Variants in ADARB2 observed in about 807,000 individuals in gnomAD.
The protein encoded by ADARB2 is adenosine deaminase RNA specific B2 (inactive).
ADARB2 carries 25 observed loss-of-function variants against 62.2 expected under a neutral mutation model. That is an observed-to-expected ratio of 0.40 (90% CI 0.29 to 0.56). ADARB2 has a LOEUF of 0.56. ADARB2 is among the 20% of genes least tolerant of loss of function. The probability of loss-of-function intolerance (pLI) is 0.43; values close to 1 mark genes in which losing one functional copy is unlikely to be tolerated. For synonymous variants in ADARB2, 572 were observed against 500.8 expected, an observed-to-expected ratio of 1.14 and a Z score of -1.90; for missense variants, 1,071 against 1,077.4, an observed-to-expected ratio of 0.99 and a Z score of 0.08.
At chr10:1,524,285 G>A (rs1314244701) in intron 1 of ADARB2, among the ~76,000 whole-genome samples, 1 of 152,172 alleles carries the variant, frequency 6.6e-6, no homozygotes, top group African/African-American at 2.4e-5. Context: ...GTGTTTTGAT[G>A]CCTATGGAAT....
intron 1 of ADARB2, chr10:1,556,849 C>T (rs771492715): frequency 5.6e-6 from 3 of 533,636 alleles, no homozygotes; most frequent in Admixed American, 3.9e-5. Context: ...ATTTTCTGCA[C>T]AACCCCTCCT....
At chr10:1,225,343 G>C (rs1277387523) in intron 6 of ADARB2, among the ~76,000 whole-genome samples, 5 of 152,130 alleles carry the variant, frequency 3.3e-5, no homozygotes, top group African/African-American at 1.2e-4. Context: ...ACAGCACACT[G>C]ATGGGTCTTG....
chr10:1,527,960 A>G (rs1588288673), intron 1 of ADARB2, among the ~76,000 whole-genome samples: 1 of 152,252 alleles, frequency 6.6e-6, no homozygotes, highest in Non-Finnish European at 1.5e-5. Flanking sequence ...ACTGAACGTT[A>G]TAAAAATCCT....
intron 3 of ADARB2, among the ~76,000 whole-genome samples, chr10:1,302,415 T>G (rs1174301280): frequency 6.6e-6 from 1 of 152,142 alleles, no homozygotes; most frequent in Non-Finnish European, 1.5e-5. Context: ...CACAGCAGTC[T>G]GAGATCAAAC....
chr10:1,266,208 G>C (rs1564240758), intron 4 of ADARB2, among the ~76,000 whole-genome samples: 1 of 152,228 alleles, frequency 6.6e-6, no homozygotes, highest in Non-Finnish European at 1.5e-5. Context: ...GTGAGAATGA[G>C]AACAAAGCTT....
rs528953453 is a variant in ADARB2 at position 1,344,076 on chromosome 10, G to A, written c.1077+18952C>T. Among the ~76,000 whole-genome samples, 213 of 152,272 alleles carry A rather than the reference G, an allele frequency of 1.4e-3. 2 individuals are homozygous for A. The highest frequency in any genetic ancestry group is 6.8e-3 in the Middle Eastern group (2 of 294). ...AGGAGGCATCTGTGTGATTGAGCAG[G>A]GCTGGGTCCTCCTAATCATGGCTCT... On this transcript the variant is annotated intron_variant, in intron 3 of 9. Coordinates refer to ENST00000381312, the MANE Select transcript of ADARB2 (RefSeq NM_018702.4).
At chr10:1,287,639 A>G (rs1454652572) in intron 3 of ADARB2, among the ~76,000 whole-genome samples, 3 of 152,232 alleles carry the variant, frequency 2.0e-5, no homozygotes, top group Non-Finnish European at 2.9e-5. Flanking sequence ...GAAATTACAC[A>G]TATATCAGCT....
At chr10:1,510,138 TTC>T (rs1180084130) in intron 1 of ADARB2, among the ~76,000 whole-genome samples, 1 of 143,634 alleles carries the variant, frequency 7.0e-6, no homozygotes, top group African/African-American at 2.7e-5. Context: ...CTTTCTTTCT[TTC>T]TTTCTTTCTT....
intron 1 of ADARB2, among the ~76,000 whole-genome samples, chr10:1,566,131 G>C (rs1832860661): frequency 6.8e-6 from 1 of 147,980 alleles, no homozygotes; most frequent in Admixed American, 6.7e-5. Context: ...TACAGTGAGT[G>C]TGTGTGTATC....
Position 1,687,029 on chromosome 10 carries a change from C to CTTTTTTTTTTTTT in ADARB2, c.100+50009_100+50021dup, listed in dbSNP as rs397952487. ...TGCCTCCCATGGGTCATGACATTGC[C>CTTTTTTTTTTTTT]TTTTTTTTTTTTTTTTTTGACAAGT... On this transcript the variant is annotated intron_variant, in intron 1 of 9. Transcript: ENST00000381312. Among the ~76,000 whole-genome samples the CTTTTTTTTTTTTT allele has an allele frequency of 1.6e-5, 2 of 129,004 alleles. 1 individual carries two copies. The allele number at this position is 129,004 out of a possible 152,430, so 84.6% of individuals were successfully genotyped here. A position where few individuals can be genotyped will look rare whatever the true frequency, so the allele number is the denominator to read the frequency against.
intron 1 of ADARB2, among the ~76,000 whole-genome samples, chr10:1,557,758 A>C (rs930472312): frequency 6.6e-6 from 1 of 152,040 alleles, no homozygotes; most frequent in African/African-American, 2.4e-5. Context: ...TACACACACA[A>C]AAAATTAGCT....
At chr10:1,677,970 TG>T (rs1834488180) in intron 1 of ADARB2, among the ~76,000 whole-genome samples, 1 of 152,208 alleles carries the variant, frequency 6.6e-6, no homozygotes, top group Non-Finnish European at 1.5e-5. Flanking sequence ...AACGACCACA[TG>T]GTTACAAGCA....
intron 3 of ADARB2, among the ~76,000 whole-genome samples, chr10:1,320,411 C>G (rs1192310545): frequency 6.6e-6 from 1 of 152,150 alleles, no homozygotes; most frequent in Admixed American, 6.5e-5. Flanking sequence ...GTAGATGTCA[C>G]TTTGATTTTA....
In ADARB2 at chr10:1,181,055, G is replaced by C. The variant is rs1836668241; in HGVS notation, c.*2138C>G. The C allele has an allele frequency of 6.6e-6, 1 of 152,250 alleles. No individual in the cohort carries two copies. The highest frequency in any genetic ancestry group is 2.1e-4 in the South Asian group (1 of 4,830). 9.4% of individuals were successfully genotyped at this position (152,250 alleles called of 1,614,324 possible). The stretch of plus-strand genomic sequence containing the variant: ...CGTCTTCCCTGTGACAGTGAAATCT[G>C]CTTACAACACAGGCCCCCTCGCTGC... On this transcript the variant is annotated 3_prime_UTR_variant, in exon 10 of 10. Coordinates refer to ENST00000381312, the MANE Select transcript of ADARB2 (RefSeq NM_018702.4).
rs572284804 is a variant in ADARB2, at chr10:1,519,555, T to C, written c.101-140395A>G. ...CTGCAGCTGGGCCAGCAGAGAGCCA[T>C]CATCCCCGGTGCCCTACTGTGGTTC... On this transcript the variant is annotated intron_variant, in intron 1 of 9. Coordinates refer to ENST00000381312, the MANE Select transcript of ADARB2 (RefSeq NM_018702.4). Among the ~76,000 whole-genome samples the C allele has an allele frequency of 3.3e-5, 5 of 152,300 alleles. No individual in the cohort carries two copies. The East Asian group carries it at 9.6e-4, about 29-fold the overall frequency.
chr10:1,633,576 C>CTATCTATCTATCTATCTATCTA lies in ADARB2; in HGVS notation c.100+103453_100+103474dup, dbSNP rs1564353141. On this transcript the variant is annotated intron_variant, in intron 1 of 9. Transcript: ENST00000381312. ...TCTATCTATCTATCTATCTATCTAT[C>CTATCTATCTATCTATCTATCTA]TATCTATCTATCTATCTATCTATCT... Among the ~76,000 whole-genome samples, 10 of 145,418 alleles carry CTATCTATCTATCTATCTATCTA rather than the reference C, an allele frequency of 6.9e-5. No homozygotes were observed. The East Asian group carries it at 9.8e-4, about 14-fold the overall frequency.
intron 1 of ADARB2, among the ~76,000 whole-genome samples, chr10:1,686,052 G>A (rs1339447659): frequency 6.6e-6 from 1 of 152,236 alleles, no homozygotes; most frequent in African/African-American, 2.4e-5. Context: ...ATTGAATCAG[G>A]CCTGAGAGGA....
At chr10:1,392,963 T>C (rs1832583280) in intron 1 of ADARB2, among the ~76,000 whole-genome samples, 3 of 152,260 alleles carry the variant, frequency 2.0e-5, no homozygotes, top group African/African-American at 4.8e-5. Context: ...AAAAAAAACA[T>C]ACAACTCCTA....
At chr10:1,320,830 C>T (rs1038727109) in intron 3 of ADARB2, among the ~76,000 whole-genome samples, 28 of 152,262 alleles carry the variant, frequency 1.8e-4, no homozygotes, top group African/African-American at 6.7e-4. Context: ...GATAAAATGC[C>T]TCTTTCCTGT....
Sources: gnomAD v4.1 joint callset for allele counts (sites outside exome capture counted in the v4.1 genomes callset) on GRCh38, gnomAD v4.1.1 for gene constraint, MANE v1.5 for transcripts, NCBI Gene and HGNC (gene_info 2026-07-23, HGNC 2026-07-21) for gene names.